ZMYND11: variants seen among roughly 807,000 people sequenced by gnomAD.
ZMYND11 encodes the protein zinc finger MYND domain-containing protein 11.
ZMYND11 carries 9 observed loss-of-function variants against 84.9 expected under a neutral mutation model. The observed-to-expected ratio is 0.11, with a 90% confidence interval of 0.06 to 0.18. ZMYND11 has a LOEUF of 0.18. Among genes scored for constraint, ZMYND11 ranks in the 10% least tolerant of loss-of-function variants. The pLI is 1.00. For synonymous variants in ZMYND11, 250 were observed against 244.1 expected (o/e 1.02, Z -0.23); for missense variants, 409 against 761.0 (o/e 0.54, Z 5.44).
At chr10:249,667 C>A (rs1035303555) in intron 14 of ZMYND11, 71 of 985,276 alleles carry the variant, frequency 7.2e-5, no homozygotes, top group Non-Finnish European at 8.2e-5. Context: ...TCTGAGTGCA[C>A]AGGGTCCAAG....
At chr10:167,832 A>G (rs1055954096) in intron 1 of ZMYND11, among the ~76,000 whole-genome samples, 2 of 152,160 alleles carry the variant, frequency 1.3e-5, no homozygotes, top group Non-Finnish European at 2.9e-5. Flanking sequence ...AAATACACAT[A>G]ACATATAATT....
chr10:181,180 T>C (rs1424950494), intron 2 of ZMYND11, among the ~76,000 whole-genome samples: 1 of 152,216 alleles, frequency 6.6e-6, no homozygotes, highest in African/African-American at 2.4e-5. Context: ...TTCACATTCT[T>C]TAGATGCTAT....
At chr10:213,064 C>T (rs549357726) in intron 3 of ZMYND11, among the ~76,000 whole-genome samples, 2 of 152,252 alleles carry the variant, frequency 1.3e-5, no homozygotes, top group Admixed American at 1.3e-4. Context: ...ACAGCACATG[C>T]ATCTCGTACT....
intron 10 of ZMYND11, among the ~76,000 whole-genome samples, chr10:242,435 A>G (rs1951182716): frequency 1.3e-5 from 2 of 152,148 alleles, no homozygotes; most frequent in Non-Finnish European, 2.9e-5. Context: ...ATTCCATAAT[A>G]TGGTAATGGA....
At chr10:167,747 C>A (rs1844341570) in intron 1 of ZMYND11, among the ~76,000 whole-genome samples, 1 of 152,090 alleles carries the variant, frequency 6.6e-6, no homozygotes, top group East Asian at 1.9e-4. Context: ...TTTCTTAATA[C>A]CTGGTAGTTA....
At chr10:227,737 C>T (rs2131532714) in intron 4 of ZMYND11, among the ~76,000 whole-genome samples, 1 of 152,224 alleles carries the variant, frequency 6.6e-6, no homozygotes, top group Non-Finnish European at 1.5e-5. Context: ...AACATAAATT[C>T]CTTATGTATC....
At chr10:217,886 C>T (rs149966724) in intron 3 of ZMYND11, among the ~76,000 whole-genome samples, 12 of 152,292 alleles carry the variant, frequency 7.9e-5, no homozygotes, top group African/African-American at 1.9e-4. Flanking sequence ...GCTCCAGAGT[C>T]TTAACCAAAT....
chr10:190,972 G>A (rs1485325353), intron 2 of ZMYND11, among the ~76,000 whole-genome samples: 2 of 151,972 alleles, frequency 1.3e-5, no homozygotes, highest in Admixed American at 6.6e-5. Context: ...CCTTTTGATG[G>A]TGAGCACCTT....
intron 2 of ZMYND11, among the ~76,000 whole-genome samples, chr10:181,814 T>G (rs1374066634): frequency 1.3e-5 from 2 of 152,056 alleles, no homozygotes; most frequent in East Asian, 3.9e-4. Flanking sequence ...ATAAAATAAA[T>G]AGTACATTAT....
intron 2 of ZMYND11, among the ~76,000 whole-genome samples, chr10:187,444 C>G (rs938641618): frequency 6.6e-6 from 1 of 151,892 alleles, no homozygotes; most frequent in Non-Finnish European, 1.5e-5. Context: ...ACCATCTTGG[C>G]TAACACGGTG....
At chr10:137,226 C>A (rs1294968632) in intron 1 of ZMYND11, among the ~76,000 whole-genome samples, 3 of 151,906 alleles carry the variant, frequency 2.0e-5, no homozygotes, top group Non-Finnish European at 4.4e-5. Flanking sequence ...GTATCTAGTA[C>A]CCTGGGTCAT....
At chr10:200,783 T>C (rs1217499200) in intron 2 of ZMYND11, among the ~76,000 whole-genome samples, 2 of 152,230 alleles carry the variant, frequency 1.3e-5, no homozygotes, top group East Asian at 1.9e-4. Flanking sequence ...ATTTTAAATA[T>C]CTTGCTGATT....
rs568005008 is a variant in ZMYND11, at chr10:252,392, C to T, written c.1731C>T (p.Asn577=). The change falls in exon 15 of 15, where the codon AAC becomes AAT. Residue 577 remains asparagine (N), a synonymous_variant. Coordinates refer to ENST00000381604, the MANE Select transcript of ZMYND11 (RefSeq NM_001370100.5). The surrounding 1 kb of genome is among the most constrained non-coding windows in gnomAD (Gnocchi z 4.6). The stretch of plus-strand genomic sequence containing the variant: ...AGGCCATGTACCACTGCTGCTGGAA[C>T]ACATCCTACTGCTCCATCAAGTGCC... ...EEEAMYHCCW[N]TSYCSIKCQQ... 3.1e-6 allele frequency: 5 copies of T among 1,614,092 alleles called. No homozygotes were observed. In the African/African-American group the frequency reaches 5.3e-5, roughly 17 times the overall value.
chr10:220,527 A>C (rs2131409837), intron 3 of ZMYND11, among the ~76,000 whole-genome samples: 1 of 152,308 alleles, frequency 6.6e-6, no homozygotes, highest in African/African-American at 2.4e-5. Context: ...GAATAGCCCC[A>C]GTCAGGAAAT....
chr10:251,651 C>T (rs1218347381), intron 14 of ZMYND11, among the ~76,000 whole-genome samples: 1 of 152,176 alleles, frequency 6.6e-6, no homozygotes, highest in Non-Finnish European at 1.5e-5. Flanking sequence ...ACCAACCCAG[C>T]TTGGAACTTT....
At chr10:186,514 G>A (rs1320373141) in intron 2 of ZMYND11, among the ~76,000 whole-genome samples, 1 of 151,574 alleles carries the variant, frequency 6.6e-6, no homozygotes, top group Non-Finnish European at 1.5e-5. Flanking sequence ...GGTGGCGCAC[G>A]CCTGTAGTCC....
At chr10:211,620 G>T (rs918016994) in intron 3 of ZMYND11, among the ~76,000 whole-genome samples, 7 of 152,070 alleles carry the variant, frequency 4.6e-5, no homozygotes, top group Admixed American at 1.3e-4. Context: ...CTTTGTTTTT[G>T]TCAATTTAAT....
chr10:198,611 T>A (rs1226784398), intron 2 of ZMYND11, among the ~76,000 whole-genome samples: 1 of 152,200 alleles, frequency 6.6e-6, no homozygotes, highest in South Asian at 2.1e-4. Context: ...ATATTTCACC[T>A]CTCGTTGGCA....
intron 10 of ZMYND11, among the ~76,000 whole-genome samples, chr10:242,734 C>T (rs373118907): frequency 6.6e-6 from 1 of 152,178 alleles, no homozygotes; most frequent in Non-Finnish European, 1.5e-5. Flanking sequence ...TGTCTCCTGT[C>T]ATGCCAGGAG....
Sources: allele counts gnomAD v4.1 joint callset (sites outside exome capture counted in the v4.1 genomes callset), GRCh38; gene constraint gnomAD v4.1.1; non-coding constraint Gnocchi (gnomAD v3.1); transcripts MANE v1.5; gene names NCBI Gene and HGNC (gene_info 2026-07-23, HGNC 2026-07-21).